Variants in GRIK3 observed in about 807,000 individuals in gnomAD.
GRIK3 encodes glutamate receptor ionotropic, kainate 3.
GRIK3 carries 29 observed loss-of-function variants against 102.5 expected under a neutral mutation model. The observed-to-expected ratio is 0.28, with a 90% CI of 0.21 to 0.39. The LOEUF is 0.39. Ranked by LOEUF, GRIK3 falls within the 10% of genes least tolerant of loss-of-function variation. The pLI is 1.00. For missense variants in GRIK3, 908 were observed against 1,252.4 expected, an observed-to-expected ratio of 0.73 and a Z score of 4.15; for synonymous variants, 511 against 504.9, an observed-to-expected ratio of 1.01 and a Z score of -0.16.
Position 36,819,896 on chromosome 1 carries a change from G to T in GRIK3, c.1755-42C>A. 2.0e-6 allele frequency: 2 copies of T among 1,016,974 alleles called. No individual in the cohort carries two copies. The highest frequency in any genetic ancestry group is 3.1e-6 in the Non-Finnish European group (2 of 653,096). 63.0% of individuals were successfully genotyped at this position (1,016,974 alleles called of 1,614,324 possible). A position where few individuals can be genotyped will look rare whatever the true frequency, so the allele number is the denominator to read the frequency against. ...GGGACAGTCAGCCTGGGAAGCAAGG[G>T]GCATCCACGCCCCAGCAGGCAGTGG... On this transcript the variant is annotated intron_variant, in intron 11 of 15. Coordinates refer to ENST00000373091, the MANE Select transcript of GRIK3 (RefSeq NM_000831.4). The surrounding 1 kb of genome is among the most constrained non-coding windows in gnomAD (Gnocchi z 4.1).
chr1:37,022,600 G>A (rs1642726442), intron 1 of GRIK3, among the ~76,000 whole-genome samples: 1 of 152,178 alleles, frequency 6.6e-6, no homozygotes, highest in Non-Finnish European at 1.5e-5. Flanking sequence ...TTGCAGAACT[G>A]GTGTGTCAGA....
At chr1:36,885,158 G>T (rs1206310668) in intron 2 of GRIK3, among the ~76,000 whole-genome samples, 1 of 152,214 alleles carries the variant, frequency 6.6e-6, no homozygotes, top group South Asian at 2.1e-4. Context: ...TGGCGGGATG[G>T]TGATGTTGAT....
chr1:36,930,266 G>A (rs141629450), intron 1 of GRIK3, among the ~76,000 whole-genome samples: 1 of 152,306 alleles, frequency 6.6e-6, no homozygotes, highest in East Asian at 1.9e-4. Context: ...CTGGAACTTG[G>A]TGATAGGTGT....
intron 10 of GRIK3, among the ~76,000 whole-genome samples, chr1:36,828,058 A>G (rs1642773700): frequency 6.6e-6 from 1 of 150,942 alleles, no homozygotes; most frequent in African/African-American, 2.5e-5. Context: ...TTCAGGGTAT[A>G]TACAAAAGAA....
At position 36,796,134 on chromosome 1, in the gene GRIK3, T is replaced by C. The variant is rs1359768166; in HGVS notation, c.*5717A>G. On this transcript the variant is annotated 3_prime_UTR_variant, in exon 16 of 16. Transcript: ENST00000373091. ...TGAGGCTGAAGCTGGGGCAGGCTGC[T>C]GACTGCACGGAAGCCCACCTCAGAT... The C allele has an allele frequency of 6.6e-6, 1 of 152,370 alleles. No homozygotes were observed. The highest frequency in any genetic ancestry group is 6.5e-5 in the Admixed American group (1 of 15,294). 9.4% of individuals were successfully genotyped at this position (152,370 alleles called of 1,614,324 possible).
At chr1:36,970,765 A>G (rs538129429) in intron 1 of GRIK3, among the ~76,000 whole-genome samples, 21 of 152,214 alleles carry the variant, frequency 1.4e-4, no homozygotes, top group Non-Finnish European at 2.8e-4. Context: ...GCTCACTGGG[A>G]AATCAATTAT....
At chr1:36,996,351 T>C (rs946891393) in intron 1 of GRIK3, among the ~76,000 whole-genome samples, 2 of 152,214 alleles carry the variant, frequency 1.3e-5, no homozygotes, top group East Asian at 1.9e-4. Flanking sequence ...GGGTAGCAGC[T>C]CATTCTAAGA....
At chr1:36,905,495 GA>G (rs61097453) in intron 1 of GRIK3, among the ~76,000 whole-genome samples, 22 of 140,612 alleles carry the variant, frequency 1.6e-4, no homozygotes, top group Admixed American at 5.0e-4. Flanking sequence ...TTGGTAATAA[GA>G]AAAAAAAAAC....
intron 5 of GRIK3, among the ~76,000 whole-genome samples, chr1:36,860,286 A>G (rs1334201133): frequency 2.0e-5 from 3 of 152,152 alleles, no homozygotes; most frequent in African/African-American, 7.2e-5. Context: ...AATGGGGTTC[A>G]ATCCCCTTTC....
intron 1 of GRIK3, among the ~76,000 whole-genome samples, chr1:36,939,518 C>T (rs576689714): frequency 6.6e-6 from 1 of 152,310 alleles, no homozygotes; most frequent in Non-Finnish European, 1.5e-5. Flanking sequence ...GGAAGAAGAG[C>T]AAATGAGATG....
chr1:36,934,848 G>GTTCTC (rs1239178781), intron 1 of GRIK3, among the ~76,000 whole-genome samples: 1 of 152,190 alleles, frequency 6.6e-6, no homozygotes, highest in Non-Finnish European at 1.5e-5. Flanking sequence ...GCAACTGCCA[G>GTTCTC]TTCTCTTCTC....
At position 36,823,244 on chromosome 1, in the gene GRIK3, C is replaced by T. The variant is rs938973965; in HGVS notation, c.1754+2359G>A. Among the ~76,000 whole-genome samples the T allele has an allele frequency of 3.3e-5, 5 of 151,996 alleles. No individual in the cohort carries two copies. The South Asian group carries it at 6.2e-4, about 19-fold the overall frequency. ...ATCCCAGCACTTTGGGAGGCCGAGA[C>T]GGGTGGATCATGAGGTCAGGAGATC... On this transcript the variant is annotated intron_variant, in intron 11 of 15. Coordinates refer to ENST00000373091, the MANE Select transcript of GRIK3 (RefSeq NM_000831.4).
chr1:37,033,107 G>A (rs930450956), intron 1 of GRIK3, among the ~76,000 whole-genome samples: 1 of 152,208 alleles, frequency 6.6e-6, no homozygotes, highest in African/African-American at 2.4e-5. Flanking sequence ...TCGTCGGCCC[G>A]GGACATGCGC....
intron 1 of GRIK3, among the ~76,000 whole-genome samples, chr1:36,946,356 C>A (rs1641784739): frequency 1.3e-5 from 2 of 152,220 alleles, no homozygotes; most frequent in Non-Finnish European, 1.5e-5. Context: ...CTGGCTCCAG[C>A]AGGAGTCTGC....
intron 11 of GRIK3, among the ~76,000 whole-genome samples, chr1:36,822,402 T>G (rs1366281177): frequency 6.6e-6 from 1 of 152,134 alleles, no homozygotes; most frequent in Non-Finnish European, 1.5e-5. Context: ...ATTTTACAGA[T>G]GTGGAGGCCA....
At position 36,817,277 on chromosome 1, in the gene GRIK3, C is replaced by T; in HGVS notation, c.1874G>A (p.Gly625Glu). Residue 625 changes from glycine (G) to glutamate (E), a missense_variant and splice_region_variant, in exon 13 of 16, where the codon GGG becomes GAG. By Grantham distance (98) the Gly-to-Glu change is moderately conservative. Around this residue, in one of 3 missense-constraint regions of GRIK3, gnomAD observed 26 missense variants for 64.8 expected, o/e 0.40. Transcript: ENST00000373091. ...WFGMGSLMQQ[G>E]SELMPKALST... ...CAGGGCTTTGGGCATCAGCTCAGAC[C>T]CTGGGCGAAGAGAGGAGATAGTCAG... The T allele has an allele frequency of 6.2e-7, 1 of 1,606,448 alleles. No individual in the cohort carries two copies. Among genetic ancestry groups the T allele is most frequent in the Non-Finnish European group, 8.5e-7 (1 of 1,173,152 alleles).
chr1:36,837,562 A>G (rs1640395249), intron 10 of GRIK3, among the ~76,000 whole-genome samples: 1 of 152,092 alleles, frequency 6.6e-6, no homozygotes, highest in Non-Finnish European at 1.5e-5. Context: ...GGTTTGGCAC[A>G]GCAGCAGAGT....
chr1:36,946,153 C>G (rs2124330037), intron 1 of GRIK3, among the ~76,000 whole-genome samples: 1 of 149,700 alleles, frequency 6.7e-6, no homozygotes, highest in Admixed American at 6.5e-5. Flanking sequence ...AGTTGAGGCC[C>G]AGGCCAGGGG....
At chr1:36,915,026 T>G (rs1407046812) in intron 1 of GRIK3, among the ~76,000 whole-genome samples, 1 of 152,188 alleles carries the variant, frequency 6.6e-6, no homozygotes, top group Non-Finnish European at 1.5e-5. Context: ...TCTTCATAAG[T>G]TCGTGCAAAG....
Sources: gnomAD v4.1 joint callset for allele counts (sites outside exome capture counted in the v4.1 genomes callset) on GRCh38, gnomAD v4.1.1 for gene constraint, gnomAD v4.1.1 regional missense constraint, Gnocchi (gnomAD v3.1) non-coding constraint, MANE v1.5 for transcripts, NCBI Gene and HGNC (gene_info 2026-07-23, HGNC 2026-07-21) for gene names.